Variants in MGAT4C observed in about 807,000 individuals in gnomAD.
The protein encoded by MGAT4C is MGAT4 family member C, also known as alpha-1,3-mannosyl-glycoprotein 4-beta-N-acetylglucosaminyltransferase C.
In MGAT4C, 19 loss-of-function variants were observed where a neutral mutation model predicts 40.1. That is an observed-to-expected ratio of 0.47 (90% CI 0.33 to 0.70). The LOEUF is 0.70. Ranked by LOEUF, MGAT4C falls within the 30% of genes least tolerant of loss-of-function variation. MGAT4C has a pLI of 0.02. For synonymous variants in MGAT4C, 181 were observed against 187.1 expected (o/e 0.97, Z 0.27); for missense variants, 491 against 563.2 (o/e 0.87, Z 1.30).
chr12:86,464,985 C>T (rs1347288971), intron 2 of MGAT4C, among the ~76,000 whole-genome samples: 1 of 152,052 alleles, frequency 6.6e-6, no homozygotes, highest in Non-Finnish European at 1.5e-5. Context: ...AGTAGAAGTG[C>T]TACTAGCCCT....
intron 1 of MGAT4C, among the ~76,000 whole-genome samples, chr12:86,127,718 T>G (rs1429352758): frequency 6.6e-6 from 1 of 152,172 alleles, no homozygotes; most frequent in African/African-American, 2.4e-5. Flanking sequence ...GTAAACATTT[T>G]GTTAAAATCT....
At chr12:86,595,974 C>T (rs1961522932) in intron 2 of MGAT4C, among the ~76,000 whole-genome samples, 3 of 152,090 alleles carry the variant, frequency 2.0e-5, no homozygotes, top group Admixed American at 2.0e-4. Flanking sequence ...CACCCCGTCC[C>T]CCCTTGAAAG....
rs528945034 is a variant in MGAT4C at position 86,810,368 on chromosome 12, G to C, written c.-262+28298C>G. On this transcript the variant is annotated intron_variant, in intron 1 of 7. Coordinates refer to the MGAT4C transcript ENST00000548651. Reference sequence around the variant, plus strand: ...CACTGAATAGAATTTTCAATACTATGTTGAATAAGAGTAGGGTGAACAGAT... The same window carrying C: ...CACTGAATAGAATTTTCAATACTATCTTGAATAAGAGTAGGGTGAACAGAT... Among the ~76,000 whole-genome samples the C allele has an allele frequency of 7.2e-5, 11 of 151,894 alleles. No homozygotes were observed. In the East Asian group the frequency reaches 1.9e-3, roughly 27 times the overall value.
In MGAT4C at chr12:86,592,782, T is replaced by C. The variant is rs560830949; in HGVS notation, c.-229+134427A>G. 5.3e-5 allele frequency among the ~76,000 whole-genome samples: 8 copies of C among 152,270 alleles called. No homozygotes were observed. In the East Asian group the frequency reaches 1.5e-3, roughly 29 times the overall value. ...GTTTTTGCTTCTCTAAATTTTCCAATTATTGTGTAGTCTCTTTTTACCTGA... is the reference window on the plus strand; with the variant it reads ...GTTTTTGCTTCTCTAAATTTTCCAACTATTGTGTAGTCTCTTTTTACCTGA... On this transcript the variant is annotated intron_variant, in intron 2 of 7. Coordinates refer to the MGAT4C transcript ENST00000548651.
At chr12:86,804,246 T>A (rs1264272660) in intron 1 of MGAT4C, among the ~76,000 whole-genome samples, 1 of 131,336 alleles carries the variant, frequency 7.6e-6, no homozygotes, top group Non-Finnish European at 1.6e-5. Context: ...AAGGGGAATA[T>A]CACACTCTGG....
intron 1 of MGAT4C, among the ~76,000 whole-genome samples, chr12:86,768,443 C>G (rs1295512341): frequency 6.6e-6 from 1 of 152,022 alleles, no homozygotes; most frequent in Non-Finnish European, 1.5e-5. Context: ...CCATACTACC[C>G]AAGGTAATTT....
chr12:86,255,576 A>G (rs1345540643), intron 1 of MGAT4C, among the ~76,000 whole-genome samples: 2 of 152,154 alleles, frequency 1.3e-5, no homozygotes, highest in African/African-American at 4.8e-5. Context: ...TTTATTATGC[A>G]CCAAAAAGCA....
At position 86,226,118 on chromosome 12, in the gene MGAT4C, GAA is replaced by G. The variant is rs200150643; in HGVS notation, c.-57+30119_-57+30120del. 1.2e-4 allele frequency among the ~76,000 whole-genome samples: 17 copies of G among 145,354 alleles called. No homozygotes were observed. In the East Asian group the frequency reaches 2.4e-3, roughly 20 times the overall value. On this transcript the variant is annotated intron_variant, in intron 1 of 4. Transcript: ENST00000611864. Reference sequence around the variant, plus strand: ...GCTACTGGACATGTCATATCAACATGAAAAAAAAAAACATGTGCAGTTGCTGA... The same window carrying G: ...GCTACTGGACATGTCATATCAACATGAAAAAAAAACATGTGCAGTTGCTGA...
chr12:86,165,036 A>G (rs1886034648), intron 1 of MGAT4C, among the ~76,000 whole-genome samples: 1 of 152,170 alleles, frequency 6.6e-6, no homozygotes. Flanking sequence ...TTAAAATGAT[A>G]TTAAATTTTG....
rs1882771201 is a variant in MGAT4C at position 85,955,953 on chromosome 12, G to A, written c.*23336C>T. 6.6e-6 allele frequency: 1 copy of A among 152,156 alleles called. No homozygotes were observed. The highest frequency in any genetic ancestry group is 2.4e-5 in the African/African-American group (1 of 41,436). The allele number at this position is 152,156 out of a possible 1,614,324, so 9.4% of individuals were successfully genotyped here. ...CTACAAGGTTAGTGCAATTACACTT[G>A]TTAGGGCACAGAGAATATTGGTATT... On this transcript the variant is annotated 3_prime_UTR_variant, in exon 5 of 5. Transcript: ENST00000611864.
chr12:86,230,732 T>C (rs1251757539), intron 1 of MGAT4C, among the ~76,000 whole-genome samples: 1 of 152,124 alleles, frequency 6.6e-6, no homozygotes, highest in African/African-American at 2.4e-5. Flanking sequence ...AGAAAATCTC[T>C]GAGCAACACA....
chr12:86,373,441 C>G (rs1955760256), intron 3 of MGAT4C, among the ~76,000 whole-genome samples: 2 of 151,856 alleles, frequency 1.3e-5, no homozygotes, highest in South Asian at 4.1e-4. Context: ...GAATTTATAT[C>G]ATCCTTACAA....
At chr12:86,585,751 T>C (rs1960998845) in intron 2 of MGAT4C, among the ~76,000 whole-genome samples, 1 of 150,398 alleles carries the variant, frequency 6.6e-6, no homozygotes, top group South Asian at 2.1e-4. Flanking sequence ...TTTTTAATTT[T>C]TCTTTTTTTT....
chr12:86,704,702 G>A (rs1021749676), intron 2 of MGAT4C, among the ~76,000 whole-genome samples: 2 of 151,970 alleles, frequency 1.3e-5, no homozygotes, highest in Non-Finnish European at 2.9e-5. Context: ...AAACATGATT[G>A]GCAACATGTA....
intron 2 of MGAT4C, among the ~76,000 whole-genome samples, chr12:86,583,730 A>C (rs539759875): frequency 6.6e-6 from 1 of 151,388 alleles, no homozygotes; most frequent in African/African-American, 2.4e-5. Context: ...ATCCTTCATT[A>C]ATAGTTTAAA....
chr12:86,347,738 G>A (rs1955071294), intron 3 of MGAT4C, among the ~76,000 whole-genome samples: 1 of 152,132 alleles, frequency 6.6e-6, no homozygotes, highest in Admixed American at 6.5e-5. Flanking sequence ...TTTACAAAGA[G>A]TCAGGAAAAA....
At chr12:86,167,781 T>C (rs1047896576) in intron 1 of MGAT4C, among the ~76,000 whole-genome samples, 3 of 152,202 alleles carry the variant, frequency 2.0e-5, no homozygotes, top group African/African-American at 7.2e-5. Flanking sequence ...CACTGATGCA[T>C]TGAAGGTTAA....
chr12:86,443,929 C>CT (rs1957285918), intron 2 of MGAT4C, among the ~76,000 whole-genome samples: 1 of 152,132 alleles, frequency 6.6e-6, no homozygotes. Context: ...TTTTACCAAA[C>CT]TTTCTCATGC....
chr12:86,086,880 A>C (rs1030881166), intron 1 of MGAT4C, among the ~76,000 whole-genome samples: 1 of 151,788 alleles, frequency 6.6e-6, no homozygotes, highest in Non-Finnish European at 1.5e-5. Flanking sequence ...CCCTGAGTTC[A>C]GTTTTTCTTT....
Sources: allele counts gnomAD v4.1 joint callset (sites outside exome capture counted in the v4.1 genomes callset), GRCh38; gene constraint gnomAD v4.1.1; transcripts MANE v1.5; gene names NCBI Gene and HGNC (gene_info 2026-07-23, HGNC 2026-07-21).